VCAN: variants seen among roughly 807,000 people sequenced by gnomAD.
VCAN encodes the protein versican core protein.
A neutral mutation model predicts 245.5 loss-of-function variants in VCAN; 44 were observed. That is an observed-to-expected ratio of 0.18 (90% CI 0.14 to 0.23). The LOEUF (loss-of-function observed/expected upper bound fraction) is 0.23. VCAN is among the 10% of genes least tolerant of loss of function. The pLI is 1.00. For missense variants in VCAN, 3,793 were observed against 4,057.9 expected (o/e 0.93, Z 1.77); for synonymous variants, 1,413 against 1,437.0 (o/e 0.98, Z 0.38).
Position 83,521,366 on chromosome 5 carries a change from T to C in VCAN, c.3060T>C (p.Thr1020=), listed in dbSNP as rs1424781085. The C allele has an allele frequency of 6.2e-7, 1 of 1,614,104 alleles. No homozygotes were observed. Among genetic ancestry groups the C allele is most frequent in the Non-Finnish European group, 8.5e-7 (1 of 1,180,006 alleles). ...TTGAAGCGACTATTTCTCCAGAAACTATGAGAACAACAAAAATCACAGAGG... is the reference window on the plus strand; with the variant it reads ...TTGAAGCGACTATTTCTCCAGAAACCATGAGAACAACAAAAATCACAGAGG... ...TRLEATISPE[T]MRTTKITEGT... Residue 1020 remains threonine, a synonymous_variant, in exon 7 of 15, where the codon ACT becomes ACC. Transcript: ENST00000265077.
Position 83,541,183 on chromosome 5 carries a change from A to T in VCAN, c.8180A>T (p.Asp2727Val), listed in dbSNP as rs772147483. ...ATGTTTGAATCAAGCACTTTGTCTG[A>T]TGGTCAAGCTATTGCAGACCAAAGT... ...DDMFESSTLS[D>V]GQAIADQSEI... The change falls in exon 8 of 15, where the codon GAT becomes GTT. Residue 2727 changes from aspartate (D) to valine (V), a missense_variant. Asp to Val is a radical substitution (Grantham distance 152, BLOSUM62 -3). Around this residue, in one of 5 missense-constraint regions of VCAN, gnomAD observed 3,182 missense variants for 3,250.3 expected, o/e 0.98. Transcript: ENST00000265077. The T allele has an allele frequency of 6.2e-7, 1 of 1,614,052 alleles. No homozygotes were observed. Among genetic ancestry groups the T allele is most frequent in the South Asian group, 1.1e-5 (1 of 91,086 alleles).
intron 13 of VCAN, 129 bp downstream of exon 13, chr5:83,572,689 T>C: frequency 8.2e-7 from 1 of 1,220,358 alleles, no homozygotes; most frequent in Non-Finnish European, 1.2e-6. Context: ...CATCTCTCGT[T>C]GCTCTGGAAT....
intron 10 of VCAN, among the ~76,000 whole-genome samples, chr5:83,552,695 G>C (rs1747515237): frequency 1.3e-5 from 2 of 152,140 alleles, no homozygotes; most frequent in African/African-American, 4.8e-5. Flanking sequence ...GAATGGGGGG[G>C]TGAGTTAAAT....
At chr5:83,519,126 C>G (rs1745970464) in intron 6 of VCAN, among the ~76,000 whole-genome samples, 1 of 152,028 alleles carries the variant, frequency 6.6e-6, no homozygotes, top group East Asian at 1.9e-4. Flanking sequence ...CAGTGATAAC[C>G]CTTATAACGT....
At chr5:83,545,718 T>C in intron 9 of VCAN, 68 bp downstream of exon 9, 2 of 1,218,758 alleles carry the variant, frequency 1.6e-6, no homozygotes, top group Non-Finnish European at 2.4e-6. Context: ...GAATTTATGT[T>C]GTCGAATCAA....
chr5:83,500,543 T>G (rs1311205747), intron 5 of VCAN, among the ~76,000 whole-genome samples: 1 of 152,188 alleles, frequency 6.6e-6, no homozygotes, highest in Non-Finnish European at 1.5e-5. Flanking sequence ...GAGTATTATT[T>G]AACTTAAATC....
At chr5:83,566,028 A>C (rs1171900364) in intron 12 of VCAN, among the ~76,000 whole-genome samples, 1 of 130,208 alleles carries the variant, frequency 7.7e-6, no homozygotes, top group East Asian at 2.2e-4. Context: ...CAATGGCGTG[A>C]TCTTTGCTCA....
At position 83,580,147 on chromosome 5, in the gene VCAN, A is replaced by G; in HGVS notation, c.10048A>G (p.Ile3350Val). 6.2e-7 allele frequency: 1 copy of G among 1,614,058 alleles called. No individual in the cohort carries two copies. Among genetic ancestry groups the G allele is most frequent in the Non-Finnish European group, 8.5e-7 (1 of 1,179,990 alleles). ...LGNGRWAIPK[I>V]TCMNPSAYQR... ...AAATGGAAGATGGGCTATACCTAAA[A>G]TTACCTGCATGAACCGTAAGTGGTC... Residue 3350 changes from isoleucine to valine, a missense_variant, in exon 14 of 15, where the codon ATT (isoleucine) becomes GTT (valine). Physicochemically the swap from Ile to Val is conservative, Grantham distance 29. Transcript: ENST00000265077.
At chr5:83,490,056 GT>G (rs1561228186) in intron 2 of VCAN, 41 bp from the exon 3 acceptor site, 1 of 1,611,766 alleles carries the variant, frequency 6.2e-7, no homozygotes, top group South Asian at 1.1e-5. Flanking sequence ...TTAAGTTTGG[GT>G]TTTTTAAGAT....
intron 7 of VCAN, among the ~76,000 whole-genome samples, chr5:83,529,972 A>G (rs1455098333): frequency 2.6e-5 from 4 of 152,184 alleles, no homozygotes; most frequent in Non-Finnish European, 5.9e-5. Context: ...AAGATCATTT[A>G]TGCCACAAGA....
intron 5 of VCAN, among the ~76,000 whole-genome samples, chr5:83,508,868 A>G (rs1745559629): frequency 6.6e-6 from 1 of 152,210 alleles, no homozygotes; most frequent in Non-Finnish European, 1.5e-5. Flanking sequence ...GAAAAGGATA[A>G]GTTGGGCACA....
intron 5 of VCAN, among the ~76,000 whole-genome samples, chr5:83,510,850 C>A (rs1359514890): frequency 6.6e-6 from 1 of 152,096 alleles, no homozygotes; most frequent in Non-Finnish European, 1.5e-5. Flanking sequence ...ATTAAAAAAC[C>A]TCTTTAACCA....
chr5:83,572,462 C>T lies in VCAN; in HGVS notation c.9782C>T (p.Ala3261Val), dbSNP rs1320916138. 4 of 1,613,814 alleles carry T rather than the reference C, an allele frequency of 2.5e-6. No individual in the cohort carries two copies. The highest frequency in any genetic ancestry group is 2.2e-5 in the East Asian group (1 of 44,870). ...RPNQPDSFFS[A>V]GEDCVVIIWH... ...AACCAGCCAGACAGCTTCTTTTCTG[C>T]TGGAGAAGACTGTGTTGTAATCATT... Residue 3261 changes from alanine to valine, a missense_variant, in exon 13 of 15, where the codon GCT becomes GTT. This residue lies in a region of VCAN where 205 missense variants were observed against 321.1 expected (regional missense o/e 0.64). Coordinates refer to ENST00000265077, the MANE Select transcript of VCAN (RefSeq NM_004385.5).
chr5:83,540,207 C>T lies in VCAN; in HGVS notation c.7204C>T (p.Leu2402=). The change falls in exon 8 of 15, where the codon CTG becomes TTG. Residue 2402 remains leucine (L), a synonymous_variant. Coordinates refer to ENST00000265077, the MANE Select transcript of VCAN (RefSeq NM_004385.5). The part of the protein sequence containing the change: ...NETTTSSTDF[L]ARAYGFEMAK... Reference sequence around the variant, plus strand: ...AACAACAACCTCATCTACTGATTTTCTGGCTAGAGCTTATGGTTTTGAAAT... The same window carrying T: ...AACAACAACCTCATCTACTGATTTTTTGGCTAGAGCTTATGGTTTTGAAAT... 1 of 1,614,074 alleles carries T rather than the reference C, an allele frequency of 6.2e-7. No individual in the cohort carries two copies. Among genetic ancestry groups the T allele is most frequent in the Non-Finnish European group, 8.5e-7 (1 of 1,179,998 alleles).
intron 13 of VCAN, 152 bp downstream of exon 13, chr5:83,572,712 C>A: frequency 9.2e-7 from 1 of 1,083,966 alleles, no homozygotes; most frequent in Non-Finnish European, 1.3e-6. Flanking sequence ...TTCACTCTTC[C>A]AAAACAATTG....
intron 10 of VCAN, among the ~76,000 whole-genome samples, chr5:83,552,305 A>G (rs761822648): frequency 6.6e-6 from 1 of 152,132 alleles, no homozygotes; most frequent in Non-Finnish European, 1.5e-5. Context: ...TAATCAGCAA[A>G]TTTGGGTGGG....
intron 7 of VCAN, among the ~76,000 whole-genome samples, chr5:83,533,137 T>A (rs1746582790): frequency 6.6e-6 from 1 of 152,164 alleles, no homozygotes. Flanking sequence ...TATTTATATG[T>A]AGATTTTCTT....
At position 83,538,311 on chromosome 5, in the gene VCAN, A is replaced by G. The variant is rs774106835; in HGVS notation, c.5308A>G (p.Arg1770Gly). The change falls in exon 8 of 15, where the codon AGG becomes GGG. Residue 1770 changes from arginine (R) to glycine (G), a missense_variant. Around this residue, in one of 5 missense-constraint regions of VCAN, gnomAD observed 3,182 missense variants for 3,250.3 expected, o/e 0.98. Coordinates refer to ENST00000265077, the MANE Select transcript of VCAN (RefSeq NM_004385.5). ...NVATSSDSGTRKSFMSLTTPT... is the reference protein window; with the variant it reads ...NVATSSDSGTGKSFMSLTTPT... ...AGCTACATCTAGTGATTCAGGTACC[A>G]GGAAAAGTTTTATGTCCTTGACAAC... 1 of 1,614,100 alleles carries G rather than the reference A, an allele frequency of 6.2e-7. No individual in the cohort carries two copies. Among genetic ancestry groups the G allele is most frequent in the East Asian group, 2.2e-5 (1 of 44,870 alleles).
intron 13 of VCAN, among the ~76,000 whole-genome samples, chr5:83,579,207 A>G (rs1748576182): frequency 6.6e-6 from 1 of 152,064 alleles, no homozygotes; most frequent in Non-Finnish European, 1.5e-5. Context: ...TTTCAAAACT[A>G]TGATGTTATT....
Sources: gnomAD v4.1 joint callset for allele counts (sites outside exome capture counted in the v4.1 genomes callset) on GRCh38, gnomAD v4.1.1 for gene constraint, gnomAD v4.1.1 regional missense constraint, MANE v1.5 for transcripts, NCBI Gene and HGNC (gene_info 2026-07-23, HGNC 2026-07-21) for gene names.